The following GRIK3 variants were observed in gnomAD, a reference collection of about 807,000 sequenced individuals.
The protein encoded by GRIK3 is glutamate ionotropic receptor kainate type subunit 3.
GRIK3 carries 29 observed loss-of-function variants against 102.5 expected under a neutral mutation model. The observed-to-expected ratio is 0.28, with a 90% CI of 0.21 to 0.39. GRIK3 has a LOEUF of 0.39. Among genes scored for constraint, GRIK3 ranks in the 10% least tolerant of loss-of-function variants. The pLI, the probability that GRIK3 is intolerant of heterozygous loss-of-function variation, is 1.00. For synonymous variants in GRIK3, 511 were observed against 504.9 expected, an observed-to-expected ratio of 1.01 and a Z score of -0.16; for missense variants, 908 against 1,252.4, an observed-to-expected ratio of 0.73 and a Z score of 4.15.
intron 1 of GRIK3, among the ~76,000 whole-genome samples, chr1:37,008,071 T>G (rs1642551069): frequency 6.6e-6 from 1 of 152,198 alleles, no homozygotes; most frequent in South Asian, 2.1e-4. Flanking sequence ...CCTCCACCTC[T>G]TCTTCTCTGA....
chr1:36,800,195 C>G lies in GRIK3; in HGVS notation c.*1656G>C, dbSNP rs566200107. On this transcript the variant is annotated 3_prime_UTR_variant, in exon 16 of 16. Transcript: ENST00000373091. ...GATCCAAATGAAGCTCTTCCCTAAC[C>G]GGGCTTCCCAAGCAGCATGGGACAG... 6.6e-6 allele frequency: 1 copy of G among 152,160 alleles called. No individual in the cohort carries two copies. The allele number at this position is 152,160 out of a possible 1,614,324, so 9.4% of individuals were successfully genotyped here. A position where few individuals can be genotyped will look rare whatever the true frequency, so the allele number is the denominator to read the frequency against.
At chr1:36,857,630 C>T (rs1042657769) in intron 7 of GRIK3, among the ~76,000 whole-genome samples, 3 of 152,188 alleles carry the variant, frequency 2.0e-5, no homozygotes, top group South Asian at 2.1e-4. Context: ...GAGGTAGAGA[C>T]GCGATCCAAA....
At chr1:36,934,568 T>C (rs777683880) in intron 1 of GRIK3, among the ~76,000 whole-genome samples, 1 of 152,212 alleles carries the variant, frequency 6.6e-6, no homozygotes, top group African/African-American at 2.4e-5. Context: ...CAGATAAGCC[T>C]TTCCCGACCT....
intron 15 of GRIK3, 47 bp from the exon 16 acceptor site, chr1:36,802,092 T>G: frequency 7.3e-7 from 1 of 1,369,942 alleles, no homozygotes; most frequent in South Asian, 1.3e-5. Flanking sequence ...CACAGAGTGA[T>G]GCCCGGTCTT....
intron 1 of GRIK3, among the ~76,000 whole-genome samples, chr1:36,963,453 G>A (rs1218760612): frequency 6.6e-6 from 1 of 152,134 alleles, no homozygotes; most frequent in Non-Finnish European, 1.5e-5. Context: ...ACGATGGAGA[G>A]GAACGCCTTC....
intron 14 of GRIK3, among the ~76,000 whole-genome samples, chr1:36,805,641 A>G (rs910629500): frequency 6.6e-6 from 1 of 152,200 alleles, no homozygotes; most frequent in Non-Finnish European, 1.5e-5. Flanking sequence ...CTGGGCTGAG[A>G]AAATGTCACT....
chr1:37,008,854 G>T (rs1642559171), intron 1 of GRIK3, among the ~76,000 whole-genome samples: 1 of 152,214 alleles, frequency 6.6e-6, no homozygotes, highest in Non-Finnish European at 1.5e-5. Flanking sequence ...AGAGAATTAA[G>T]TCATTATCAT....
intron 5 of GRIK3, among the ~76,000 whole-genome samples, chr1:36,861,091 G>A (rs1031645255): frequency 2.6e-5 from 4 of 152,156 alleles, no homozygotes; most frequent in Non-Finnish European, 4.4e-5. Context: ...AGAAGTCTTA[G>A]TCTATGCTCC....
intron 1 of GRIK3, among the ~76,000 whole-genome samples, chr1:36,974,109 A>T (rs1364989516): frequency 6.6e-6 from 1 of 152,158 alleles, no homozygotes; most frequent in African/African-American, 2.4e-5. Context: ...TCAGCATTTC[A>T]TTGGCTTTTA....
intron 1 of GRIK3, among the ~76,000 whole-genome samples, chr1:36,993,259 T>G (rs926199561): frequency 1.3e-5 from 2 of 152,112 alleles, no homozygotes; most frequent in African/African-American, 4.8e-5. Context: ...TCTTGTTGGA[T>G]GTACATACTG....
intron 1 of GRIK3, among the ~76,000 whole-genome samples, chr1:36,929,048 C>G (rs903346017): frequency 6.6e-6 from 1 of 152,128 alleles, no homozygotes; most frequent in East Asian, 1.9e-4. Context: ...GGGATAGGTA[C>G]AGTTATTCTT....
At chr1:36,947,484 T>A (rs1212600954) in intron 1 of GRIK3, among the ~76,000 whole-genome samples, 7 of 152,034 alleles carry the variant, frequency 4.6e-5, no homozygotes, top group Non-Finnish European at 4.4e-5. Flanking sequence ...CAATCCAAAT[T>A]CTTTACCCTA....
At chr1:36,926,590 C>T (rs774922997) in intron 1 of GRIK3, among the ~76,000 whole-genome samples, 12 of 152,036 alleles carry the variant, frequency 7.9e-5, no homozygotes, top group Non-Finnish European at 1.3e-4. Context: ...GGGCTTTCAC[C>T]GTATTGGCCA....
chr1:37,005,283 A>G (rs1642519645), intron 1 of GRIK3, among the ~76,000 whole-genome samples: 1 of 152,124 alleles, frequency 6.6e-6, no homozygotes. Flanking sequence ...CTGTGGCTGC[A>G]TCTCTGTCCC....
intron 5 of GRIK3, among the ~76,000 whole-genome samples, chr1:36,863,677 G>C (rs1352702402): frequency 6.6e-6 from 1 of 152,138 alleles, no homozygotes; most frequent in East Asian, 1.9e-4. Flanking sequence ...ACCTCTTCCA[G>C]GAAGCCCCTC....
At chr1:37,010,807 T>C (rs1178700623) in intron 1 of GRIK3, among the ~76,000 whole-genome samples, 1 of 143,830 alleles carries the variant, frequency 7.0e-6, no homozygotes, top group African/African-American at 2.6e-5. Flanking sequence ...AGTGGCGCAA[T>C]CTCGGCTCAC....
intron 1 of GRIK3, among the ~76,000 whole-genome samples, chr1:36,909,650 T>C (rs1042129413): frequency 3.9e-5 from 6 of 152,000 alleles, no homozygotes; most frequent in African/African-American, 1.4e-4. Context: ...TTTGCATCAC[T>C]GGGCTCTGAA....
intron 1 of GRIK3, among the ~76,000 whole-genome samples, chr1:36,980,543 T>C (rs1642238307): frequency 6.6e-6 from 1 of 151,718 alleles, no homozygotes; most frequent in Non-Finnish European, 1.5e-5. Context: ...CCCTGAACCC[T>C]TCCCACCTGG....
intron 1 of GRIK3, among the ~76,000 whole-genome samples, chr1:36,971,403 T>C (rs546032138): frequency 6.6e-5 from 10 of 152,176 alleles, no homozygotes. Flanking sequence ...AGGGATGGCA[T>C]GGCTTGATTA....
Sources: gnomAD v4.1 joint callset for allele counts (sites outside exome capture counted in the v4.1 genomes callset) on GRCh38, gnomAD v4.1.1 for gene constraint, MANE v1.5 for transcripts, NCBI Gene and HGNC (gene_info 2026-07-23, HGNC 2026-07-21) for gene names.